WDR41: variants seen among roughly 807,000 people sequenced by gnomAD.
WDR41 encodes the protein WD repeat domain 41.
In WDR41, 63 loss-of-function variants were observed where a neutral mutation model predicts 69.3. The observed-to-expected ratio is 0.91, with a 90% CI of 0.74 to 1.12. The LOEUF (loss-of-function observed/expected upper bound fraction) is 1.12, where lower values mean the gene tolerates loss of function less well. WDR41 is among the 50% of genes most tolerant of loss of function. The pLI is 0.00. For synonymous variants in WDR41, 185 were observed against 192.1 expected, an observed-to-expected ratio of 0.96 and a Z score of 0.31; for missense variants, 543 against 534.5, an observed-to-expected ratio of 1.02 and a Z score of -0.16.
At chr5:77,617,364 T>G (rs545791702) in intron 1 of WDR41, among the ~76,000 whole-genome samples, 1 of 152,014 alleles carries the variant, frequency 6.6e-6, no homozygotes. Context: ...TTCTTTAAAA[T>G]AATTTTCTGT....
intron 2 of WDR41, among the ~76,000 whole-genome samples, chr5:77,472,294 G>A (rs1339644150): frequency 3.9e-5 from 6 of 151,978 alleles, no homozygotes; most frequent in African/African-American, 9.7e-5. Flanking sequence ...AGAGCTATCT[G>A]TGACAAACCC....
chr5:77,451,422 TCA>T (rs1799624223), intron 6 of WDR41, 69 bp from the exon 7 acceptor site: 2 of 1,428,774 alleles, frequency 1.4e-6, no homozygotes, highest in African/African-American at 2.8e-5. Context: ...AAAAACATTC[TCA>T]GTTTTATGTC....
intron 5 of WDR41, among the ~76,000 whole-genome samples, chr5:77,454,606 A>C (rs1159652655): frequency 1.3e-5 from 2 of 152,180 alleles, no homozygotes; most frequent in Non-Finnish European, 2.9e-5. Flanking sequence ...CAGGAAAGTG[A>C]GTGTTTCAAG....
intron 12 of WDR41, among the ~76,000 whole-genome samples, chr5:77,434,895 G>A (rs1021714807): frequency 6.7e-6 from 1 of 149,150 alleles, no homozygotes; most frequent in Admixed American, 6.6e-5. Flanking sequence ...TTTACATGGG[G>A]TTTTCCCTAC....
At chr5:77,534,257 A>G (rs2112212859) in intron 1 of WDR41, among the ~76,000 whole-genome samples, 1 of 152,260 alleles carries the variant, frequency 6.6e-6, no homozygotes, top group South Asian at 2.1e-4. Context: ...CATAGGTCCT[A>G]TGTAAAAATT....
At chr5:77,478,282 T>C (rs1801052494) in intron 2 of WDR41, among the ~76,000 whole-genome samples, 1 of 152,156 alleles carries the variant, frequency 6.6e-6, no homozygotes, top group Admixed American at 6.5e-5. Context: ...CTGAAACTAT[T>C]CCAATCAATA....
chr5:77,566,764 G>A (rs969072414), intron 1 of WDR41, among the ~76,000 whole-genome samples: 1 of 152,008 alleles, frequency 6.6e-6, no homozygotes, highest in Admixed American at 6.6e-5. Flanking sequence ...CCACTTCTTC[G>A]GACACACAGA....
intron 1 of WDR41, among the ~76,000 whole-genome samples, chr5:77,551,340 G>A (rs7722038): frequency 0.13 from 19,217 of 152,190 alleles, 1,432 homozygotes; most frequent in South Asian, 0.25. Context: ...ATATTCAAAA[G>A]CTAATTTTAG....
chr5:77,552,519 T>C (rs559324479), intron 1 of WDR41, among the ~76,000 whole-genome samples: 1 of 152,224 alleles, frequency 6.6e-6, no homozygotes, highest in Non-Finnish European at 1.5e-5. Context: ...AATATTTTTT[T>C]CATAGACCGA....
At chr5:77,576,752 C>A (rs1236465416) in intron 1 of WDR41, among the ~76,000 whole-genome samples, 2 of 152,102 alleles carry the variant, frequency 1.3e-5, no homozygotes, top group Non-Finnish European at 2.9e-5. Flanking sequence ...CTAAACATGG[C>A]AAATCTGCAC....
intron 1 of WDR41, among the ~76,000 whole-genome samples, chr5:77,533,108 C>G (rs558733698): frequency 6.6e-6 from 1 of 152,254 alleles, no homozygotes; most frequent in African/African-American, 2.4e-5. Context: ...TATAAACCAG[C>G]AAGCTCTCTC....
At chr5:77,476,405 G>A (rs559311070) in intron 2 of WDR41, among the ~76,000 whole-genome samples, 35 of 151,998 alleles carry the variant, frequency 2.3e-4, no homozygotes, top group African/African-American at 7.7e-4. Context: ...AGGAAAAAAT[G>A]TTAAGGGCAG....
At chr5:77,597,888 G>T (rs1744254580) in intron 1 of WDR41, among the ~76,000 whole-genome samples, 1 of 152,186 alleles carries the variant, frequency 6.6e-6, no homozygotes, top group African/African-American at 2.4e-5. Flanking sequence ...GTCATTCAGA[G>T]TGTTTTTTGA....
At chr5:77,451,403 A>G (rs779095293) in intron 6 of WDR41, 50 bp from the exon 7 acceptor site, 7 of 1,550,430 alleles carry the variant, frequency 4.5e-6, no homozygotes, top group Non-Finnish European at 6.2e-6. Context: ...CACAGATTAT[A>G]TCAAAAACAA....
chr5:77,496,839 A>G (rs750756453), upstream of WDR41, among the ~76,000 whole-genome samples: 1 of 152,180 alleles, frequency 6.6e-6, no homozygotes, highest in South Asian at 2.1e-4. Flanking sequence ...TGGAGGACTC[A>G]CACTTCCCAA....
rs144849494 is a variant in WDR41 at position 77,435,120 on chromosome 5, G to A, written c.1227+1141C>T. 4.3e-3 allele frequency among the ~76,000 whole-genome samples: 647 copies of A among 152,194 alleles called. 3 individuals are homozygous for A. Among genetic ancestry groups the A allele is most frequent in the African/African-American group, 0.013 (546 of 41,514 alleles). ...TATCTTTGCCCTTCTGCCTACCACAGTCCATGCTCACCTCCCAACCATAAA... is the reference window on the plus strand; with the variant it reads ...TATCTTTGCCCTTCTGCCTACCACAATCCATGCTCACCTCCCAACCATAAA... On this transcript the variant is annotated intron_variant, in intron 12 of 12. Transcript: ENST00000296679.
intron 2 of WDR41, among the ~76,000 whole-genome samples, chr5:77,472,394 A>G (rs1031205892): frequency 7.3e-5 from 11 of 151,286 alleles, no homozygotes; most frequent in African/African-American, 2.7e-4. Context: ...CACCACTCCT[A>G]TTCAACATAG....
chr5:77,502,267 A>G (rs561959075), intron 1 of WDR41, among the ~76,000 whole-genome samples: 1 of 152,342 alleles, frequency 6.6e-6, no homozygotes, highest in East Asian at 1.9e-4. Context: ...AAGAAAGGGT[A>G]TTAGTGATTG....
upstream of WDR41, among the ~76,000 whole-genome samples, chr5:77,493,080 T>A (rs1801877223): frequency 6.6e-6 from 1 of 152,198 alleles, no homozygotes; most frequent in South Asian, 2.1e-4. Flanking sequence ...ATATCAGAAT[T>A]ACCTGGGTAG....
Sources: gnomAD v4.1 joint callset for allele counts (sites outside exome capture counted in the v4.1 genomes callset) on GRCh38, gnomAD v4.1.1 for gene constraint, MANE v1.5 for transcripts, NCBI Gene and HGNC (gene_info 2026-07-23, HGNC 2026-07-21) for gene names.